Variants in PCBD2 observed in about 807,000 individuals in gnomAD.
PCBD2 encodes pterin-4-alpha-carbinolamine dehydratase 2.
In PCBD2, 12 loss-of-function variants were observed where a neutral mutation model predicts 16.4. That is an observed-to-expected ratio of 0.73 (90% CI 0.47 to 1.19). The LOEUF (loss-of-function observed/expected upper bound fraction) is 1.19. Ranked by LOEUF, PCBD2 falls within the 50% of genes most tolerant of loss-of-function variation. The probability of loss-of-function intolerance (pLI) is 0.00; values close to 1 mark genes in which losing one functional copy is unlikely to be tolerated. For synonymous variants in PCBD2, 58 were observed against 61.8 expected, an observed-to-expected ratio of 0.94 and a Z score of 0.29; for missense variants, 138 against 156.8, an observed-to-expected ratio of 0.88 and a Z score of 0.64.
chr5:134,929,499 G>C (rs1751066851), intron 2 of PCBD2, among the ~76,000 whole-genome samples: 1 of 152,148 alleles, frequency 6.6e-6, no homozygotes, highest in Admixed American at 6.5e-5. Flanking sequence ...AAGCAGCATG[G>C]AGGACATCAG....
At chr5:134,945,567 A>G (rs181494387) in intron 2 of PCBD2, among the ~76,000 whole-genome samples, 149 of 152,292 alleles carry the variant, frequency 9.8e-4, no homozygotes, top group African/African-American at 3.2e-3. Context: ...TATTATTTTA[A>G]ATGTTTTCTC....
chr5:134,911,446 T>C (rs1276569889), intron 2 of PCBD2, among the ~76,000 whole-genome samples: 1 of 152,238 alleles, frequency 6.6e-6, no homozygotes, highest in Non-Finnish European at 1.5e-5. Flanking sequence ...TGCTTTTGAC[T>C]ATTTTGTTTG....
intron 2 of PCBD2, among the ~76,000 whole-genome samples, chr5:134,932,420 C>A (rs1751109198): frequency 6.6e-6 from 1 of 152,090 alleles, no homozygotes; most frequent in African/African-American, 2.4e-5. Flanking sequence ...CAGCTCACTG[C>A]AACCTCCGTC....
At chr5:134,905,866 A>ATGTTT (rs535071277) in intron 1 of PCBD2, among the ~76,000 whole-genome samples, 5 of 152,042 alleles carry the variant, frequency 3.3e-5, no homozygotes, top group East Asian at 1.9e-4. Flanking sequence ...TCAGTTTGAA[A>ATGTTT]TGTTTTGTTT....
chr5:134,911,759 T>C (rs936979735), intron 2 of PCBD2, among the ~76,000 whole-genome samples: 1 of 152,234 alleles, frequency 6.6e-6, no homozygotes, highest in Non-Finnish European at 1.5e-5. Context: ...TGCCAGCCTC[T>C]GCTGTGAGTC....
At chr5:134,911,435 A>G (rs1750766962) in intron 2 of PCBD2, among the ~76,000 whole-genome samples, 1 of 152,184 alleles carries the variant, frequency 6.6e-6, no homozygotes, top group African/African-American at 2.4e-5. Context: ...TAAAAGGTAA[A>G]TGCTTTTGAC....
chr5:134,958,110 T>G (rs1416444150), intron 2 of PCBD2, among the ~76,000 whole-genome samples: 2 of 152,206 alleles, frequency 1.3e-5, no homozygotes, highest in Non-Finnish European at 2.9e-5. Flanking sequence ...TATTGCCCTG[T>G]GAATGCCACT....
chr5:134,915,043 G>A (rs1750811797), intron 2 of PCBD2, among the ~76,000 whole-genome samples: 1 of 152,260 alleles, frequency 6.6e-6, no homozygotes, highest in Non-Finnish European at 1.5e-5. Context: ...AGAGCCGGGC[G>A]CGGTGGCTCA....
intron 2 of PCBD2, among the ~76,000 whole-genome samples, chr5:134,944,750 C>T (rs774209790): frequency 6.6e-6 from 1 of 152,202 alleles, no homozygotes; most frequent in Non-Finnish European, 1.5e-5. Flanking sequence ...CCGGCTCAGC[C>T]TCCCACTGAA....
At chr5:134,950,566 G>A (rs1436343973) in intron 2 of PCBD2, among the ~76,000 whole-genome samples, 3 of 152,114 alleles carry the variant, frequency 2.0e-5, no homozygotes, top group African/African-American at 4.8e-5. Context: ...GAAACAAAAG[G>A]AACTTTAAGA....
At position 134,929,851 on chromosome 5, in the gene PCBD2, C is replaced by T. The variant is rs141455957; in HGVS notation, c.216+19385C>T. ...GGACTACAGGCACATGCCACCATGCCTGGCTAATTTTTAAAACATTTTTTG... is the reference window on the plus strand; with the variant it reads ...GGACTACAGGCACATGCCACCATGCTTGGCTAATTTTTAAAACATTTTTTG... On this transcript the variant is annotated intron_variant, in intron 2 of 3. Coordinates refer to ENST00000254908, the MANE Select transcript of PCBD2 (RefSeq NM_032151.5). Among the ~76,000 whole-genome samples the T allele has an allele frequency of 1.1e-4, 16 of 152,240 alleles. No homozygotes were observed. The East Asian group carries it at 3.1e-3, about 29-fold the overall frequency.
At chr5:134,926,867 A>G in intron 2 of PCBD2, 1 of 398,458 alleles carries the variant, frequency 2.5e-6, no homozygotes, top group Non-Finnish European at 4.4e-6. Context: ...GGAGAGTGAT[A>G]TTTGATCAGG....
At chr5:134,924,307 G>A (rs1580882446) in intron 2 of PCBD2, 1 of 395,212 alleles carries the variant, frequency 2.5e-6, no homozygotes, top group East Asian at 3.6e-5. Flanking sequence ...TATTTGGGGG[G>A]AATGATGGTT....
chr5:134,919,282 A>T (rs912795974), intron 2 of PCBD2, among the ~76,000 whole-genome samples: 21 of 152,198 alleles, frequency 1.4e-4, no homozygotes, highest in African/African-American at 5.1e-4. Flanking sequence ...TTTCAGATTT[A>T]TGCTTTGCAG....
chr5:134,946,931 G>T (rs1457801212), intron 2 of PCBD2, among the ~76,000 whole-genome samples: 2 of 151,924 alleles, frequency 1.3e-5, no homozygotes, highest in Non-Finnish European at 2.9e-5. Flanking sequence ...TAGATCCATA[G>T]AAATTATTTT....
At chr5:134,945,783 G>A (rs1002232531) in intron 2 of PCBD2, among the ~76,000 whole-genome samples, 1 of 152,124 alleles carries the variant, frequency 6.6e-6, no homozygotes, top group African/African-American at 2.4e-5. Context: ...CACATTTTCT[G>A]CGCAAAGCAC....
intron 2 of PCBD2, among the ~76,000 whole-genome samples, chr5:134,913,388 G>A (rs557682565): frequency 4.6e-5 from 7 of 152,328 alleles, no homozygotes; most frequent in East Asian, 3.9e-4. Context: ...TCAGCACATG[G>A]TGATCCAAGG....
Position 134,962,567 on chromosome 5 carries a change from T to C in PCBD2, c.*1886T>C, listed in dbSNP as rs1580897799. Among the ~76,000 whole-genome samples the C allele has an allele frequency of 1.3e-5, 2 of 152,242 alleles. No individual in the cohort carries two copies. The highest frequency in any genetic ancestry group is 2.1e-4 in the South Asian group (1 of 4,828). On this transcript the variant is annotated 3_prime_UTR_variant, in exon 4 of 4. Coordinates refer to ENST00000254908, the MANE Select transcript of PCBD2 (RefSeq NM_032151.5). Reference sequence around the variant, plus strand: ...TGCGCCTGGCCTATAACAATTCTTATGAAGCTAAAGTTGATTTGGATTTTA... The same window carrying C: ...TGCGCCTGGCCTATAACAATTCTTACGAAGCTAAAGTTGATTTGGATTTTA...
At chr5:134,920,988 A>G (rs1240194432) in intron 2 of PCBD2, among the ~76,000 whole-genome samples, 2 of 152,110 alleles carry the variant, frequency 1.3e-5, no homozygotes, top group Non-Finnish European at 2.9e-5. Context: ...TCATACATCA[A>G]ACTGACTTCA....
Sources: gnomAD v4.1 joint callset for allele counts (sites outside exome capture counted in the v4.1 genomes callset) on GRCh38, gnomAD v4.1.1 for gene constraint, MANE v1.5 for transcripts, NCBI Gene and HGNC (gene_info 2026-07-23, HGNC 2026-07-21) for gene names.